NOP58: variants seen among roughly 807,000 people sequenced by gnomAD.
NOP58 encodes the protein nucleolar protein 58.
A neutral mutation model predicts 71.2 loss-of-function variants in NOP58; 44 were observed. That is an observed-to-expected ratio of 0.62 (90% CI 0.49 to 0.79). The LOEUF is 0.79. NOP58 is among the 30% of genes least tolerant of loss of function. NOP58 has a pLI of 0.00. For synonymous variants in NOP58, 228 were observed against 200.3 expected, an observed-to-expected ratio of 1.14 and a Z score of -1.17; for missense variants, 538 against 620.2, an observed-to-expected ratio of 0.87 and a Z score of 1.41.
At position 202,303,406 on chromosome 2, in the gene NOP58, A is replaced by G. The variant is rs1689125575; in HGVS notation, c.1560A>G (p.Lys520=). 6.2e-7 allele frequency: 1 copy of G among 1,612,604 alleles called. No individual in the cohort carries two copies. Among genetic ancestry groups the G allele is most frequent in the Admixed American group, 1.7e-5 (1 of 59,958 alleles). ...TTCAGAGTCCAGAGAAAAAGAAGAAAAAGAAAAAAAAGAGAGAGAACGAGG... is the reference window on the plus strand; with the variant it reads ...TTCAGAGTCCAGAGAAAAAGAAGAAGAAGAAAAAAAAGAGAGAGAACGAGG... ...TAIASPEKKK[K]KKKKRENED is the part of the protein sequence containing the mutation. The change falls in exon 15 of 15, where the codon AAA becomes AAG. Residue 520 remains lysine, a synonymous_variant. Transcript: ENST00000264279.
At chr2:202,300,860 G>A (rs113003885) in intron 13 of NOP58, among the ~76,000 whole-genome samples, 2 of 152,066 alleles carry the variant, frequency 1.3e-5, no homozygotes, top group African/African-American at 2.4e-5. Flanking sequence ...ATAAGCAGGC[G>A]CCCCATTATT....
intron 2 of NOP58, among the ~76,000 whole-genome samples, chr2:202,276,037 C>A (rs908244589): frequency 7.9e-5 from 12 of 152,180 alleles, no homozygotes; most frequent in African/African-American, 2.9e-4. Context: ...ATAAGAAAAC[C>A]TTGCTTAAGA....
intron 13 of NOP58, 23 bp from the exon 14 acceptor site, chr2:202,302,898 G>A (rs1689117066): frequency 6.3e-7 from 1 of 1,594,598 alleles, no homozygotes; most frequent in South Asian, 1.1e-5. Flanking sequence ...AATTTGTTGT[G>A]CCTTTACACT....
At chr2:202,285,378 T>C in intron 5 of NOP58, among the ~76,000 whole-genome samples, 1 of 136,586 alleles carries the variant, frequency 7.3e-6, no homozygotes. Flanking sequence ...AGTCAGGGTC[T>C]CACTCTGTTG....
At chr2:202,266,605 C>T (rs1221312236) in intron 1 of NOP58, among the ~76,000 whole-genome samples, 2 of 152,140 alleles carry the variant, frequency 1.3e-5, no homozygotes, top group African/African-American at 4.8e-5. Context: ...CGTGAGCCAC[C>T]GTGCTCGGCC....
chr2:202,268,025 A>G (rs1172208416), intron 1 of NOP58, among the ~76,000 whole-genome samples: 1 of 152,232 alleles, frequency 6.6e-6, no homozygotes, highest in Non-Finnish European at 1.5e-5. Flanking sequence ...GTTTCTGAGT[A>G]TAAAAGACAT....
chr2:202,285,341 ATTTTTTTTTTT>A (rs932875625), intron 5 of NOP58, among the ~76,000 whole-genome samples: 21 of 81,262 alleles, frequency 2.6e-4, no homozygotes, highest in Admixed American at 8.5e-4. Context: ...CACACCCGGC[ATTTTTTTTTTT>A]TTTTTTTTTT....
At position 202,284,380 on chromosome 2, in the gene NOP58, T is replaced by C. The variant is rs376854416; in HGVS notation, c.333T>C (p.Val111=). Residue 111 remains valine (V), a synonymous_variant, in exon 5 of 15, where the codon GTT becomes GTC. Coordinates refer to ENST00000264279, the MANE Select transcript of NOP58 (RefSeq NM_015934.5). ...ATCTCAGTTGTATCCATAGTCCTGTTGTTAATGAACTTATGAGAGGAATTC... is the reference window on the plus strand; with the variant it reads ...ATCTCAGTTGTATCCATAGTCCTGTCGTTAATGAACTTATGAGAGGAATTC... ...KLNLSCIHSP[V]VNELMRGIRS... The C allele has an allele frequency of 3.8e-4, 609 of 1,613,290 alleles. 2 individuals are homozygous for C. Among genetic ancestry groups the C allele is most frequent in the Middle Eastern group, 2.8e-3 (17 of 6,060 alleles).
chr2:202,269,872 T>A (rs1688488834), intron 1 of NOP58, among the ~76,000 whole-genome samples: 1 of 152,246 alleles, frequency 6.6e-6, no homozygotes, highest in Non-Finnish European at 1.5e-5. Flanking sequence ...CATTAGTACG[T>A]ATAACCATTT....
Position 202,297,843 on chromosome 2 carries a change from A to T in NOP58, c.1207-2A>T. ...ATTTGTAATTTTTCGTTTTCTTCTTAGATAAGAAAAATAAGTGGAACAGGA... is the reference window on the plus strand; with the variant it reads ...ATTTGTAATTTTTCGTTTTCTTCTTTGATAAGAAAAATAAGTGGAACAGGA... On this transcript the variant is annotated splice_acceptor_variant, in intron 11 of 14. Transcript: ENST00000264279. LOFTEE classifies it high-confidence loss of function. 6.5e-7 allele frequency: 1 copy of T among 1,537,074 alleles called. No homozygotes were observed. Among genetic ancestry groups the T allele is most frequent in the Non-Finnish European group, 8.9e-7 (1 of 1,125,966 alleles).
intron 9 of NOP58, 88 bp downstream of exon 9, chr2:202,292,991 A>T (rs2105852327): frequency 6.9e-7 from 1 of 1,450,306 alleles, no homozygotes; most frequent in Non-Finnish European, 9.7e-7. Context: ...TACAGCTGTT[A>T]AAGAAATTTT....
chr2:202,266,012 G>C (rs1438022167), intron 1 of NOP58, 26 bp downstream of exon 1: 2 of 1,613,278 alleles, frequency 1.2e-6, no homozygotes, highest in Non-Finnish European at 1.7e-6. Context: ...AGCCGTTAAA[G>C]GGGGAAGGCG....
chr2:202,294,853 G>C (rs1688964443), intron 9 of NOP58, among the ~76,000 whole-genome samples: 1 of 151,948 alleles, frequency 6.6e-6, no homozygotes, highest in Non-Finnish European at 1.5e-5. Flanking sequence ...TGTAATCCCA[G>C]CTACTCGGAG....
At chr2:202,302,083 C>CTTTTTTTTTTTTTTTTTTTTT (rs71031885) in intron 13 of NOP58, among the ~76,000 whole-genome samples, 38 of 90,584 alleles carry the variant, frequency 4.2e-4, no homozygotes, top group Non-Finnish European at 6.5e-4. Flanking sequence ...TTTTTTTTTT[C>CTTTTTTTTTTTTTTTTTTTTT]TTTTTTTTTT....
intron 8 of NOP58, among the ~76,000 whole-genome samples, chr2:202,292,448 C>T (rs1276243304): frequency 2.0e-5 from 3 of 151,802 alleles, no homozygotes; most frequent in African/African-American, 7.3e-5. Context: ...ACCATACTGG[C>T]CAACATGGTG....
chr2:202,276,213 C>G (rs1390758818), intron 2 of NOP58, among the ~76,000 whole-genome samples: 1 of 151,862 alleles, frequency 6.6e-6, no homozygotes, highest in Non-Finnish European at 1.5e-5. Flanking sequence ...TGGCACATGC[C>G]TGTAATCCCA....
intron 14 of NOP58, 30 bp from the exon 15 acceptor site, chr2:202,303,356 T>C (rs752576345): frequency 1.2e-6 from 2 of 1,610,616 alleles, no homozygotes; most frequent in South Asian, 2.2e-5. Flanking sequence ...ATTTCAGCTC[T>C]TTCAAAGCAT....
intron 6 of NOP58, among the ~76,000 whole-genome samples, chr2:202,289,300 G>GA (rs1688847995): frequency 6.6e-6 from 1 of 152,162 alleles, no homozygotes; most frequent in Admixed American, 6.5e-5. Context: ...CTGCATTGTG[G>GA]ATGCAGCTTG....
chr2:202,299,052 C>A (rs1195504331), intron 12 of NOP58, among the ~76,000 whole-genome samples: 1 of 150,580 alleles, frequency 6.6e-6, no homozygotes, highest in Non-Finnish European at 1.5e-5. Flanking sequence ...CTCTGACTCC[C>A]CGGTTCAAGT....
Sources: allele counts gnomAD v4.1 joint callset (sites outside exome capture counted in the v4.1 genomes callset), GRCh38; gene constraint gnomAD v4.1.1; transcripts MANE v1.5; gene names NCBI Gene and HGNC (gene_info 2026-07-23, HGNC 2026-07-21).